Variants in BICC1 observed in about 807,000 individuals in gnomAD.
BICC1 encodes the protein BicC family RNA binding protein 1.
Under a neutral mutation model 111.0 loss-of-function variants are expected in BICC1, and 43 were observed. The ratio of observed to expected loss-of-function variants is 0.39; its 90% CI spans 0.30 to 0.50. BICC1 has a LOEUF of 0.50. BICC1 is among the 20% of genes least tolerant of loss of function. BICC1 has a pLI of 0.88. For synonymous variants in BICC1, 467 were observed against 434.4 expected (o/e 1.07, Z -0.93); for missense variants, 1,091 against 1,203.2 (o/e 0.91, Z 1.38).
chr10:58,744,950 G>A (rs1841786516), intron 3 of BICC1, among the ~76,000 whole-genome samples: 1 of 152,150 alleles, frequency 6.6e-6, no homozygotes, highest in South Asian at 2.1e-4. Flanking sequence ...CCCATGTTGA[G>A]AGTTCTTATA....
At chr10:58,592,224 G>T (rs76598649) in intron 1 of BICC1, among the ~76,000 whole-genome samples, 17 of 152,262 alleles carry the variant, frequency 1.1e-4, no homozygotes, top group African/African-American at 4.1e-4. Context: ...GTATAGCCGA[G>T]TATTACTTTT....
intron 1 of BICC1, among the ~76,000 whole-genome samples, chr10:58,588,533 C>T (rs1844501362): frequency 6.6e-6 from 1 of 152,166 alleles, no homozygotes; most frequent in East Asian, 1.9e-4. Context: ...GCTTAGATCT[C>T]TACTGCATGC....
intron 2 of BICC1, among the ~76,000 whole-genome samples, chr10:58,687,693 T>G (rs1037741911): frequency 6.6e-5 from 10 of 152,204 alleles, no homozygotes; most frequent in African/African-American, 2.4e-4. Context: ...AATCTCTTGG[T>G]GTGCCATTTG....
intron 3 of BICC1, among the ~76,000 whole-genome samples, chr10:58,704,970 C>G (rs1409406607): frequency 6.6e-6 from 1 of 152,176 alleles, no homozygotes; most frequent in Non-Finnish European, 1.5e-5. Context: ...ATAGCTCTGT[C>G]TAAACTTTAC....
At chr10:58,799,903 T>A (rs1245740187) in intron 12 of BICC1, among the ~76,000 whole-genome samples, 1 of 152,164 alleles carries the variant, frequency 6.6e-6, no homozygotes, top group African/African-American at 2.4e-5. Context: ...GTTTGTAGTG[T>A]GATAGGAATA....
At chr10:58,713,823 G>A (rs772635308) in intron 3 of BICC1, among the ~76,000 whole-genome samples, 32 of 152,134 alleles carry the variant, frequency 2.1e-4, no homozygotes, top group South Asian at 4.1e-4. Context: ...TTCAGCCTAC[G>A]TTTATTTTTA....
chr10:58,702,972 G>A (rs1009033989), intron 3 of BICC1, among the ~76,000 whole-genome samples: 2 of 152,102 alleles, frequency 1.3e-5, no homozygotes, highest in African/African-American at 4.8e-5. Flanking sequence ...TTCTCCCCAT[G>A]ACTTACTACT....
At chr10:58,629,173 C>T (rs1837719379) in intron 2 of BICC1, among the ~76,000 whole-genome samples, 1 of 152,180 alleles carries the variant, frequency 6.6e-6, no homozygotes, top group Non-Finnish European at 1.5e-5. Context: ...GCCTTTTAAT[C>T]TGGCTAAAGT....
intron 1 of BICC1, among the ~76,000 whole-genome samples, chr10:58,605,948 C>T (rs185573018): frequency 2.0e-3 from 306 of 152,254 alleles, no homozygotes; most frequent in Admixed American, 5.3e-3. Context: ...TTCTTTTCTT[C>T]CCCCTTGGGT....
At chr10:58,825,978 A>T (rs1589178665) in intron 20 of BICC1, among the ~76,000 whole-genome samples, 1 of 152,010 alleles carries the variant, frequency 6.6e-6, no homozygotes, top group African/African-American at 2.4e-5. Flanking sequence ...AATCCAGCAT[A>T]ACAACTATTG....
chr10:58,711,348 A>C (rs1394511093), intron 3 of BICC1, among the ~76,000 whole-genome samples: 1 of 152,182 alleles, frequency 6.6e-6, no homozygotes, highest in Non-Finnish European at 1.5e-5. Flanking sequence ...CCAGTTCTTG[A>C]AGATCCCAGT....
At chr10:58,728,839 G>A (rs1041442247) in intron 3 of BICC1, among the ~76,000 whole-genome samples, 2 of 152,034 alleles carry the variant, frequency 1.3e-5, no homozygotes, top group Non-Finnish European at 2.9e-5. Flanking sequence ...GTGACCAGGT[G>A]CATTGTCAAT....
rs377587067 is a variant in BICC1, at chr10:58,758,522, A to G, written c.308-26479A>G. On this transcript the variant is annotated intron_variant, in intron 3 of 20. Transcript: ENST00000373886. ...TCTCCTCTTCCCTATAAGGTCTGTG[A>G]CAAAAAGGCAGTTCACTGTTCTTCT... 9.2e-5 allele frequency among the ~76,000 whole-genome samples: 14 copies of G among 152,200 alleles called. No homozygotes were observed. The East Asian group carries it at 2.5e-3, about 27-fold the overall frequency.
intron 1 of BICC1, among the ~76,000 whole-genome samples, chr10:58,543,169 G>A (rs1843041775): frequency 6.6e-6 from 1 of 151,958 alleles, no homozygotes; most frequent in Admixed American, 6.6e-5. Flanking sequence ...GACATACAAT[G>A]GAATATTGCT....
At chr10:58,632,842 CATAGATAG>C (rs897142387) in intron 2 of BICC1, among the ~76,000 whole-genome samples, 2 of 143,998 alleles carry the variant, frequency 1.4e-5, no homozygotes, top group Non-Finnish European at 3.1e-5. Flanking sequence ...AAAGGTTTTA[CATAGATAG>C]ATAGATAGAT....
At chr10:58,626,343 T>C (rs11006210) in intron 2 of BICC1, among the ~76,000 whole-genome samples, 53,717 of 152,190 alleles carry the variant, frequency 0.35, 10,533 homozygotes, top group East Asian at 0.47. Flanking sequence ...TCCGTGATCA[T>C]GTTTTCTTTA....
chr10:58,524,236 T>C (rs186970827), intron 1 of BICC1, among the ~76,000 whole-genome samples: 252 of 152,240 alleles, frequency 1.7e-3, no homozygotes, highest in African/African-American at 5.8e-3. Flanking sequence ...AAGCCCGCAT[T>C]GCCAAGTCAA....
intron 3 of BICC1, among the ~76,000 whole-genome samples, chr10:58,780,375 T>C (rs1842852385): frequency 6.6e-6 from 1 of 152,170 alleles, no homozygotes; most frequent in Admixed American, 6.6e-5. Context: ...AAGGGATTTT[T>C]CTGTTGTTTT....
intron 1 of BICC1, among the ~76,000 whole-genome samples, chr10:58,546,255 A>G (rs1463434381): frequency 6.6e-6 from 1 of 152,154 alleles, no homozygotes; most frequent in Non-Finnish European, 1.5e-5. Context: ...GTGGCCTGGG[A>G]TACTGAACAT....
Sources: allele counts gnomAD v4.1 joint callset (sites outside exome capture counted in the v4.1 genomes callset), GRCh38; gene constraint gnomAD v4.1.1; transcripts MANE v1.5; gene names NCBI Gene and HGNC (gene_info 2026-07-23, HGNC 2026-07-21).